The following LSAMP variants were observed in gnomAD, a reference collection of about 807,000 sequenced individuals.
The protein encoded by LSAMP is limbic system-associated membrane protein.
Under a neutral mutation model 38.6 loss-of-function variants are expected in LSAMP, and 7 were observed. The ratio of observed to expected loss-of-function variants is 0.18; its 90% CI spans 0.10 to 0.34. LSAMP has a LOEUF of 0.34. Ranked by LOEUF, LSAMP falls within the 10% of genes least tolerant of loss-of-function variation. LSAMP has a pLI of 1.00. For synonymous variants in LSAMP, 154 were observed against 166.8 expected (o/e 0.92, Z 0.59); for missense variants, 313 against 420.0 (o/e 0.75, Z 2.23).
At chr3:116,032,117 T>A (rs569845467) in intron 2 of LSAMP, among the ~76,000 whole-genome samples, 14 of 152,214 alleles carry the variant, frequency 9.2e-5, no homozygotes, top group African/African-American at 3.4e-4. Flanking sequence ...GAGTTAGATT[T>A]TTTTTCCTTT....
At chr3:116,080,717 T>G (rs1296869584) in intron 2 of LSAMP, among the ~76,000 whole-genome samples, 1 of 152,172 alleles carries the variant, frequency 6.6e-6, no homozygotes, top group African/African-American at 2.4e-5. Context: ...GTCTGAAAAA[T>G]TAAGCTGAAG....
chr3:116,198,727 C>T lies in LSAMP; in HGVS notation c.156-112171G>A, dbSNP rs140269492. Among the ~76,000 whole-genome samples, 342 of 135,910 alleles carry T rather than the reference C, an allele frequency of 2.5e-3. 2 individuals carry two copies. The highest frequency in any genetic ancestry group is 8.8e-3 in the African/African-American group (331 of 37,508). The allele number at this position is 135,910 out of a possible 152,430, so 89.2% of individuals were successfully genotyped here. ...CGCAGCTTATAGTGAGCCTGGATGG[C>T]GCCACTGCACTTCAGCCTGGGCGAC... On this transcript the variant is annotated intron_variant, in intron 1 of 6. Transcript: ENST00000490035.
intron 1 of LSAMP, among the ~76,000 whole-genome samples, chr3:116,267,186 T>G (rs907103707): frequency 4.6e-5 from 7 of 152,038 alleles, no homozygotes; most frequent in African/African-American, 1.7e-4. Flanking sequence ...GCCACTTGCA[T>G]CCAGAATATA....
chr3:116,261,291 C>T (rs12634800), intron 1 of LSAMP, among the ~76,000 whole-genome samples: 2 of 151,962 alleles, frequency 1.3e-5, no homozygotes, highest in African/African-American at 4.8e-5. Flanking sequence ...TCTTTCTGAT[C>T]GTGGGGCATT....
At chr3:116,129,598 C>T (rs552031546) in intron 1 of LSAMP, among the ~76,000 whole-genome samples, 1 of 152,334 alleles carries the variant, frequency 6.6e-6, no homozygotes, top group South Asian at 2.1e-4. Context: ...AAAGCACTTT[C>T]TCTAAAGGAA....
intron 1 of LSAMP, among the ~76,000 whole-genome samples, chr3:116,308,631 C>T (rs973762518): frequency 1.3e-5 from 2 of 151,832 alleles, no homozygotes; most frequent in Non-Finnish European, 2.9e-5. Context: ...TATTTTCTTT[C>T]TATTGTCACC....
intron 3 of LSAMP, among the ~76,000 whole-genome samples, chr3:115,868,643 TACACATATTTAAAATGAGGTTG>T (rs1382503278): frequency 5.9e-5 from 9 of 152,112 alleles, no homozygotes; most frequent in Non-Finnish European, 1.2e-4. Flanking sequence ...TCATTTTAAA[TACACATATTTAAAATGAGGTTG>T]ACACATATTT....
intron 1 of LSAMP, among the ~76,000 whole-genome samples, chr3:116,393,888 A>G (rs1295183842): frequency 6.6e-6 from 1 of 152,166 alleles, no homozygotes; most frequent in Non-Finnish European, 1.5e-5. Flanking sequence ...ATGAGATTAT[A>G]TATTTACACT....
chr3:115,805,839 A>G lies in LSAMP; in HGVS notation c.*4478T>C, dbSNP rs1207850107. On this transcript the variant is annotated 3_prime_UTR_variant, in exon 7 of 7. Transcript: ENST00000490035. ...GATGTTTACAGATATTATGCCAACC[A>G]TGATGGAAAATTTACATCACTGAGG... The G allele has an allele frequency of 5.3e-5, 8 of 152,236 alleles. No homozygotes were observed. The highest frequency in any genetic ancestry group is 5.2e-4 in the Admixed American group (8 of 15,282). The allele number at this position is 152,236 out of a possible 1,614,324, so 9.4% of individuals were successfully genotyped here.
In LSAMP at chr3:116,445,470, C is replaced by T; in HGVS notation, c.-439G>A. 1 of 441,158 alleles carries T rather than the reference C, an allele frequency of 2.3e-6. No homozygotes were observed. 27.3% of individuals were successfully genotyped at this position (441,158 alleles called of 1,614,324 possible). ...GGCACCAAGCCTGCCAGTGAGTGTA[C>T]AGAAACAGCCACACAGCAGCAGCAG... On this transcript the variant is annotated 5_prime_UTR_variant, in exon 1 of 7. Coordinates refer to ENST00000490035, the MANE Select transcript of LSAMP (RefSeq NM_002338.5).
intron 1 of LSAMP, among the ~76,000 whole-genome samples, chr3:116,148,249 T>C (rs1709532408): frequency 6.6e-6 from 1 of 151,944 alleles, no homozygotes; most frequent in Non-Finnish European, 1.5e-5. Context: ...AATTATTTAT[T>C]CACACAAATT....
rs753399463 is a variant in LSAMP at position 115,805,129 on chromosome 3, T to C, written c.*5188A>G. The C allele has an allele frequency of 6.6e-6, 1 of 152,206 alleles. No homozygotes were observed. The highest frequency in any genetic ancestry group is 1.5e-5 in the Non-Finnish European group (1 of 68,032). 9.4% of individuals were successfully genotyped at this position (152,206 alleles called of 1,614,324 possible). The stretch of plus-strand genomic sequence containing the variant: ...TAAAAAGAAGATAGCTGGGAGTGGA[T>C]ACAGCAGACATATAGCCCTTAAAAC... On this transcript the variant is annotated 3_prime_UTR_variant, in exon 7 of 7. Transcript: ENST00000490035.
intron 3 of LSAMP, among the ~76,000 whole-genome samples, chr3:115,981,118 TG>T (rs1939347576): frequency 1.3e-5 from 2 of 152,180 alleles, no homozygotes; most frequent in African/African-American, 4.8e-5. Context: ...AAATGAATGT[TG>T]TTTCACAAGA....
chr3:116,149,605 TG>T (rs1403816963), intron 1 of LSAMP, among the ~76,000 whole-genome samples: 1 of 93,588 alleles, frequency 1.1e-5, no homozygotes, highest in East Asian at 3.4e-4. Context: ...TCTACTTAGT[TG>T]TTGCCTATTT....
chr3:116,178,952 T>G (rs1331293242), intron 1 of LSAMP, among the ~76,000 whole-genome samples: 1 of 152,104 alleles, frequency 6.6e-6, no homozygotes, highest in African/African-American at 2.4e-5. Context: ...AATTGGGTTT[T>G]AATCACTTTA....
intron 3 of LSAMP, among the ~76,000 whole-genome samples, chr3:115,981,136 T>C (rs1397694349): frequency 6.6e-6 from 1 of 152,194 alleles, no homozygotes; most frequent in Non-Finnish European, 1.5e-5. Context: ...AAGAAGTTGC[T>C]GCATCATGGA....
intron 3 of LSAMP, among the ~76,000 whole-genome samples, chr3:115,995,393 G>A (rs1939786816): frequency 6.6e-6 from 1 of 152,042 alleles, no homozygotes; most frequent in Admixed American, 6.6e-5. Context: ...CAGTGTTCAG[G>A]ATCTAGAATA....
At chr3:116,033,641 T>C (rs1310002901) in intron 2 of LSAMP, among the ~76,000 whole-genome samples, 1 of 152,108 alleles carries the variant, frequency 6.6e-6, no homozygotes, top group Non-Finnish European at 1.5e-5. Context: ...TAGCGAATGA[T>C]TTCTGTGGCA....
intron 1 of LSAMP, among the ~76,000 whole-genome samples, chr3:116,273,615 G>A (rs376227227): frequency 1.4e-5 from 2 of 142,290 alleles, no homozygotes; most frequent in African/African-American, 2.7e-5. Flanking sequence ...CGTAACCCAC[G>A]GTAGGAAGAT....
Sources: allele counts gnomAD v4.1 joint callset (sites outside exome capture counted in the v4.1 genomes callset), GRCh38; gene constraint gnomAD v4.1.1; transcripts MANE v1.5; gene names NCBI Gene and HGNC (gene_info 2026-07-23, HGNC 2026-07-21).